GABRG3: variants seen among roughly 807,000 people sequenced by gnomAD.
GABRG3 encodes gamma-aminobutyric acid receptor subunit gamma-3.
In GABRG3, 25 loss-of-function variants were observed where a neutral mutation model predicts 48.8. The ratio of observed to expected loss-of-function variants is 0.51; its 90% CI spans 0.37 to 0.72. The LOEUF is 0.72. Ranked by LOEUF, GABRG3 falls within the 30% of genes least tolerant of loss-of-function variation. GABRG3 has a pLI of 0.00. For synonymous variants in GABRG3, 227 were observed against 217.6 expected, an observed-to-expected ratio of 1.04 and a Z score of -0.38; for missense variants, 394 against 577.9, an observed-to-expected ratio of 0.68 and a Z score of 3.26.
chr15:27,114,424 G>A (rs892245023), intron 3 of GABRG3, among the ~76,000 whole-genome samples: 7 of 152,148 alleles, frequency 4.6e-5, no homozygotes, highest in African/African-American at 1.7e-4. Flanking sequence ...CAATCTTATA[G>A]CTGTGCATTC....
At chr15:27,440,650 A>C (rs1888756534) in intron 5 of GABRG3, among the ~76,000 whole-genome samples, 1 of 152,138 alleles carries the variant, frequency 6.6e-6, no homozygotes. Context: ...ATTATCACCT[A>C]ATCCTTGTAT....
intron 5 of GABRG3, among the ~76,000 whole-genome samples, chr15:27,406,295 G>A (rs1032444347): frequency 5.3e-5 from 8 of 152,128 alleles, no homozygotes; most frequent in African/African-American, 1.9e-4. Context: ...GCTAGGAGGC[G>A]GAGCTTAACC....
intron 2 of GABRG3, among the ~76,000 whole-genome samples, chr15:27,008,800 G>A (rs1169199173): frequency 6.6e-6 from 1 of 152,138 alleles, no homozygotes; most frequent in Non-Finnish European, 1.5e-5. Flanking sequence ...GCCGTGAGCG[G>A]ACATCTCTGC....
At chr15:27,516,034 G>A (rs542572383) in intron 6 of GABRG3, among the ~76,000 whole-genome samples, 34 of 150,064 alleles carry the variant, frequency 2.3e-4, no homozygotes, top group Non-Finnish European at 4.1e-4. Context: ...TTTAAAAATT[G>A]TAAATTTGCT....
chr15:27,158,698 T>A (rs1898497539), intron 3 of GABRG3, among the ~76,000 whole-genome samples: 1 of 152,172 alleles, frequency 6.6e-6, no homozygotes, highest in South Asian at 2.1e-4. Context: ...AAGTTAAAAA[T>A]TTAATAACAA....
At chr15:27,093,566 A>G (rs1052441655) in intron 3 of GABRG3, among the ~76,000 whole-genome samples, 1 of 152,146 alleles carries the variant, frequency 6.6e-6, no homozygotes, top group Non-Finnish European at 1.5e-5. Flanking sequence ...TGATCCTTCT[A>G]TTGGACATAC....
At chr15:27,301,670 A>G (rs952751838) in intron 3 of GABRG3, among the ~76,000 whole-genome samples, 1 of 152,080 alleles carries the variant, frequency 6.6e-6, no homozygotes, top group Non-Finnish European at 1.5e-5. Flanking sequence ...ATTTAAAAAT[A>G]TAAAACAGTT....
At chr15:27,387,734 G>A (rs74006918) in intron 5 of GABRG3, among the ~76,000 whole-genome samples, 8,195 of 149,122 alleles carry the variant, frequency 0.055, 747 homozygotes, top group African/African-American at 0.19. Context: ...ACCCCAGCAG[G>A]GAGGGGGCCA....
intron 3 of GABRG3, among the ~76,000 whole-genome samples, chr15:27,124,976 C>T (rs1410585155): frequency 6.6e-6 from 1 of 152,184 alleles, no homozygotes. Flanking sequence ...TGGTACTATT[C>T]TTCCTGCTTG....
At chr15:27,505,751 G>A (rs547944783) in intron 6 of GABRG3, among the ~76,000 whole-genome samples, 1 of 152,146 alleles carries the variant, frequency 6.6e-6, no homozygotes, top group African/African-American at 2.4e-5. Context: ...CCTGTGTCTG[G>A]TTTTGCTATT....
At chr15:27,127,368 T>G (rs1595539468) in intron 3 of GABRG3, among the ~76,000 whole-genome samples, 3 of 150,032 alleles carry the variant, frequency 2.0e-5, no homozygotes, top group South Asian at 2.1e-4. Context: ...TTCTGTATGA[T>G]TCTACTTTTA....
At chr15:27,271,226 C>T (rs1891074446) in intron 3 of GABRG3, among the ~76,000 whole-genome samples, 1 of 152,200 alleles carries the variant, frequency 6.6e-6, no homozygotes, top group African/African-American at 2.4e-5. Context: ...TGAGTGCTCC[C>T]TGCACTTGCC....
chr15:27,368,270 G>T (rs1336073372), intron 5 of GABRG3, among the ~76,000 whole-genome samples: 3 of 152,188 alleles, frequency 2.0e-5, no homozygotes, highest in Non-Finnish European at 4.4e-5. Flanking sequence ...GGTTCCTAAA[G>T]CTTGCCACCA....
intron 3 of GABRG3, among the ~76,000 whole-genome samples, chr15:27,143,339 C>G (rs955874103): frequency 6.6e-6 from 1 of 152,156 alleles, no homozygotes; most frequent in Admixed American, 6.5e-5. Context: ...CTTAGCCTCT[C>G]TAAGCACTGG....
At chr15:27,281,242 T>C (rs1323439063) in intron 3 of GABRG3, among the ~76,000 whole-genome samples, 2 of 152,196 alleles carry the variant, frequency 1.3e-5, no homozygotes, top group African/African-American at 2.4e-5. Flanking sequence ...AAATGCATTC[T>C]ACCAATATCT....
chr15:27,356,499 T>TC (rs1894847216), intron 5 of GABRG3, among the ~76,000 whole-genome samples: 1 of 152,154 alleles, frequency 6.6e-6, no homozygotes, highest in Non-Finnish European at 1.5e-5. Flanking sequence ...CTCCATCTTT[T>TC]CCCCAACATC....
rs79192998 is a variant in GABRG3 at position 27,080,836 on chromosome 15, C to T, written c.270+54015C>T. On this transcript the variant is annotated intron_variant, in intron 3 of 9. Coordinates refer to ENST00000615808, the MANE Select transcript of GABRG3 (RefSeq NM_033223.5). ...TTGCTTCCAACAAGAGGAGCTGGTGCTAGTTAGCCCTCACCAAGCCTGGGA... is the reference window on the plus strand; with the variant it reads ...TTGCTTCCAACAAGAGGAGCTGGTGTTAGTTAGCCCTCACCAAGCCTGGGA... Among the ~76,000 whole-genome samples, 235 of 152,250 alleles carry T rather than the reference C, an allele frequency of 1.5e-3. 2 individuals are homozygous for T. The East Asian group carries it at 0.031, about 20-fold the overall frequency.
intron 5 of GABRG3, among the ~76,000 whole-genome samples, chr15:27,353,837 C>T (rs1379487664): frequency 2.0e-5 from 3 of 152,090 alleles, no homozygotes; most frequent in Non-Finnish European, 4.4e-5. Flanking sequence ...AACTAGTACC[C>T]GCTCCTCAGC....
chr15:27,239,855 T>G (rs1890083127), intron 3 of GABRG3, among the ~76,000 whole-genome samples: 1 of 152,226 alleles, frequency 6.6e-6, no homozygotes, highest in Non-Finnish European at 1.5e-5. Flanking sequence ...TGCCTTAAGC[T>G]TTCACAGCAG....
Sources: gnomAD v4.1 joint callset for allele counts (sites outside exome capture counted in the v4.1 genomes callset) on GRCh38, gnomAD v4.1.1 for gene constraint, MANE v1.5 for transcripts, NCBI Gene and HGNC (gene_info 2026-07-23, HGNC 2026-07-21) for gene names.